EPHB1: variants seen among roughly 807,000 people sequenced by gnomAD.
EPHB1 encodes the protein EPH receptor B1.
EPHB1 carries 30 observed loss-of-function variants against 94.4 expected under a neutral mutation model. The ratio of observed to expected loss-of-function variants is 0.32; its 90% CI spans 0.24 to 0.43. EPHB1 has a LOEUF of 0.43. Ranked by LOEUF, EPHB1 falls within the 20% of genes least tolerant of loss-of-function variation. The pLI is 1.00. For synonymous variants in EPHB1, 522 were observed against 489.1 expected, an observed-to-expected ratio of 1.07 and a Z score of -0.89; for missense variants, 1,055 against 1,308.3, an observed-to-expected ratio of 0.81 and a Z score of 2.99.
chr3:134,994,066 A>C (rs1934907676), intron 3 of EPHB1, among the ~76,000 whole-genome samples: 1 of 152,114 alleles, frequency 6.6e-6, no homozygotes, highest in African/African-American at 2.4e-5. Flanking sequence ...TGTGCACATA[A>C]TACGTTCTGT....
chr3:134,993,060 C>T (rs1934868188), intron 3 of EPHB1, among the ~76,000 whole-genome samples: 1 of 152,178 alleles, frequency 6.6e-6, no homozygotes, highest in Non-Finnish European at 1.5e-5. Context: ...GCACTTGTTC[C>T]CAACAGGCAT....
chr3:134,955,071 CTTTTTTTTTTTTTTTTTTTTT>C lies in EPHB1; in HGVS notation c.805+3031_805+3051del, dbSNP rs1197013147. On this transcript the variant is annotated intron_variant, in intron 3 of 15. Coordinates refer to ENST00000398015, the MANE Select transcript of EPHB1 (RefSeq NM_004441.5). ...CTAAGGCCTGTTCCTGACATCCTTTCTTTTTTTTTTTTTTTTTTTTTTTTTTTTTTTTAATTTTTTTTTTTT... is the reference window on the plus strand; with the variant it reads ...CTAAGGCCTGTTCCTGACATCCTTTCTTTTTTTTTTTAATTTTTTTTTTTT... Among the ~76,000 whole-genome samples, 8 of 8,418 alleles carry C rather than the reference CTTTTTTTTTTTTTTTTTTTTT, an allele frequency of 9.5e-4. 1 individual carries two copies. The East Asian group carries it at 0.024, about 25-fold the overall frequency. 5.5% of individuals were successfully genotyped at this position (8,418 alleles called of 152,430 possible). A position where few individuals can be genotyped will look rare whatever the true frequency, so the allele number is the denominator to read the frequency against.
intron 10 of EPHB1, among the ~76,000 whole-genome samples, chr3:135,183,698 T>C (rs1383593377): frequency 6.6e-6 from 1 of 152,120 alleles, no homozygotes; most frequent in African/African-American, 2.4e-5. Flanking sequence ...GGGAACAAAG[T>C]GGCCTCTGAG....
At chr3:135,153,019 T>C (rs1413435988) in intron 5 of EPHB1, among the ~76,000 whole-genome samples, 4 of 152,144 alleles carry the variant, frequency 2.6e-5, no homozygotes, top group Non-Finnish European at 2.9e-5. Flanking sequence ...TCAGAACAAG[T>C]GCTCTGCATC....
chr3:135,254,579 G>C (rs1052580870), intron 15 of EPHB1, among the ~76,000 whole-genome samples: 1 of 152,062 alleles, frequency 6.6e-6, no homozygotes, highest in Non-Finnish European at 1.5e-5. Context: ...TGATCATGGT[G>C]AATAAGCTTT....
chr3:135,090,705 T>G (rs1334031571), intron 3 of EPHB1, among the ~76,000 whole-genome samples: 1 of 152,200 alleles, frequency 6.6e-6, no homozygotes, highest in Non-Finnish European at 1.5e-5. Flanking sequence ...AGTGCCACAC[T>G]GGGCAGACAG....
chr3:134,893,894 G>A (rs538259938), intron 1 of EPHB1, among the ~76,000 whole-genome samples: 137 of 152,340 alleles, frequency 9.0e-4, no homozygotes, highest in African/African-American at 3.1e-3. Flanking sequence ...GCCTCACAGA[G>A]CAGGTGCCTG....
chr3:134,946,452 C>A (rs1042028906), intron 2 of EPHB1, among the ~76,000 whole-genome samples: 1 of 152,192 alleles, frequency 6.6e-6, no homozygotes, highest in Non-Finnish European at 1.5e-5. Context: ...GCCTTTGTAC[C>A]TGCCTTTGTT....
chr3:134,982,429 G>T (rs972762163), intron 3 of EPHB1, among the ~76,000 whole-genome samples: 1 of 152,184 alleles, frequency 6.6e-6, no homozygotes, highest in African/African-American at 2.4e-5. Flanking sequence ...TGCAAATCTT[G>T]CCAGTGAGGT....
At chr3:135,146,307 CA>C (rs796380299) in intron 5 of EPHB1, among the ~76,000 whole-genome samples, 3 of 152,254 alleles carry the variant, frequency 2.0e-5, no homozygotes, top group African/African-American at 7.2e-5. Context: ...ATTGGAGTAA[CA>C]AAGGTAAAAT....
Position 134,956,954 on chromosome 3 carries a change from C to A in EPHB1, c.805+4902C>A, listed in dbSNP as rs1364733721. Among the ~76,000 whole-genome samples, 4 of 152,206 alleles carry A rather than the reference C, an allele frequency of 2.6e-5. No homozygotes were observed. In the East Asian group the frequency reaches 7.8e-4, roughly 30 times the overall value. On this transcript the variant is annotated intron_variant, in intron 3 of 15. Transcript: ENST00000398015. ...ACCACCAAGCAGTGACAAGTGAAAA[C>A]AGCAGAGAGGAATAAGCCACTGTTC...
intron 1 of EPHB1, among the ~76,000 whole-genome samples, chr3:134,921,837 C>T (rs1327872233): frequency 6.6e-6 from 1 of 152,186 alleles, no homozygotes; most frequent in African/African-American, 2.4e-5. Flanking sequence ...GCTCTAGGCC[C>T]ATCCTGCAGA....
intron 2 of EPHB1, among the ~76,000 whole-genome samples, chr3:134,931,556 G>C (rs62270314): frequency 0.08 from 12,123 of 152,254 alleles, 530 homozygotes; most frequent in African/African-American, 0.11. Flanking sequence ...ACCACCTTCA[G>C]GGCCTGTGAT....
At chr3:134,998,164 T>A in intron 3 of EPHB1, among the ~76,000 whole-genome samples, 1 of 152,216 alleles carries the variant, frequency 6.6e-6, no homozygotes, top group Non-Finnish European at 1.5e-5. Context: ...TGATGCAATA[T>A]GTGAAAAATA....
At chr3:134,837,919 G>A (rs1379707265) in intron 1 of EPHB1, among the ~76,000 whole-genome samples, 1 of 152,184 alleles carries the variant, frequency 6.6e-6, no homozygotes, top group Non-Finnish European at 1.5e-5. Flanking sequence ...CCCCAGAGCA[G>A]GCACTGGACA....
intron 12 of EPHB1, among the ~76,000 whole-genome samples, chr3:135,218,101 G>A (rs1943197179): frequency 6.6e-6 from 1 of 152,066 alleles, no homozygotes; most frequent in Non-Finnish European, 1.5e-5. Context: ...AGCTTGGGTA[G>A]CAGGGCTGTC....
At chr3:134,995,732 T>C (rs113306927) in intron 3 of EPHB1, among the ~76,000 whole-genome samples, 15 of 149,278 alleles carry the variant, frequency 1.0e-4, no homozygotes, top group African/African-American at 3.5e-4. Context: ...AAAAAGAATA[T>C]CACTGTTTCT....
chr3:135,203,641 A>G (rs1163445460), intron 12 of EPHB1, among the ~76,000 whole-genome samples: 2 of 152,220 alleles, frequency 1.3e-5, no homozygotes, highest in Admixed American at 6.5e-5. Flanking sequence ...AGCCAGGTTT[A>G]GCTTTCAGAC....
chr3:134,827,738 G>A (rs924663773), intron 1 of EPHB1, among the ~76,000 whole-genome samples: 1 of 152,134 alleles, frequency 6.6e-6, no homozygotes, highest in Non-Finnish European at 1.5e-5. Context: ...GGGTGGAGGC[G>A]GCACTTTAAA....
Sources: allele counts gnomAD v4.1 joint callset (sites outside exome capture counted in the v4.1 genomes callset), GRCh38; gene constraint gnomAD v4.1.1; transcripts MANE v1.5; gene names NCBI Gene and HGNC (gene_info 2026-07-23, HGNC 2026-07-21).